The following PAN2 variants were observed in gnomAD, a reference collection of about 807,000 sequenced individuals.
The protein encoded by PAN2 is PAN2-PAN3 deadenylation complex catalytic subunit PAN2.
In PAN2, 68 loss-of-function variants were observed where a neutral mutation model predicts 133.3. The ratio of observed to expected loss-of-function variants is 0.51; its 90% CI spans 0.42 to 0.62. The LOEUF is 0.62. Among genes scored for constraint, PAN2 ranks in the 20% least tolerant of loss-of-function variants. The pLI is 0.00. For synonymous variants in PAN2, 462 were observed against 544.6 expected (o/e 0.85, Z 2.11); for missense variants, 1,042 against 1,500.5 (o/e 0.69, Z 5.05).
Position 56,319,199 on chromosome 12 carries a change from G to A in PAN2, c.3271-18C>T, listed in dbSNP as rs149050168. 44 of 1,614,040 alleles carry A rather than the reference G, an allele frequency of 2.7e-5. No individual in the cohort carries two copies. In the African/African-American group the frequency reaches 2.8e-4, roughly 10 times the overall value. The stretch of plus-strand genomic sequence containing the variant: ...TTGGGCACCTGGCAAGGATAAAAGA[G>A]GGGGAGACTTAAGGTAGGGGACCTA... On this transcript the variant is annotated intron_variant, in intron 23 of 25. Transcript: ENST00000440411. This position sits in a 1 kb window ranked among gnomAD's most constrained non-coding sequence, Gnocchi z 5.4.
chr12:56,330,809 T>A lies in PAN2; in HGVS notation c.282+2004A>T, dbSNP rs184885209. 4.0e-4 allele frequency among the ~76,000 whole-genome samples: 61 copies of A among 151,428 alleles called. No individual in the cohort carries two copies. The East Asian group carries it at 0.011, about 27-fold the overall frequency. On this transcript the variant is annotated intron_variant, in intron 2 of 25. Transcript: ENST00000440411. ...TGGCCTCATTGTATTTTTCTTTTTC[T>A]TTTTTTTGAGACGGAGTCTTGCCCT... is the stretch of plus-strand genomic sequence containing the variant.
chr12:56,324,901 T>C (rs531634873), intron 10 of PAN2, 108 bp downstream of exon 10: 9 of 1,421,678 alleles, frequency 6.3e-6, no homozygotes, highest in Non-Finnish European at 8.6e-6. Flanking sequence ...GAGGAGACCA[T>C]GGTAAAGAGA....
At chr12:56,325,536 GCCA>G in intron 8 of PAN2, 82 bp from the exon 9 acceptor site, 4 of 1,489,386 alleles carry the variant, frequency 2.7e-6, no homozygotes, top group Non-Finnish European at 3.7e-6. Context: ...CATTGAAACA[GCCA>G]CCAAGTCCTG....
chr12:56,326,668 G>C lies in PAN2; in HGVS notation c.1211C>G (p.Thr404Ser). 2 of 1,614,116 alleles carry C rather than the reference G, an allele frequency of 1.2e-6. No homozygotes were observed. Among genetic ancestry groups the C allele is most frequent in the Non-Finnish European group, 1.7e-6 (2 of 1,179,982 alleles). The change falls in exon 7 of 26, where the codon ACT becomes AGT. Residue 404 changes from threonine to serine, a missense_variant. Physicochemically the swap from Thr to Ser is moderately conservative, Grantham distance 58 (BLOSUM62 1). Transcript: ENST00000440411. ...PLSLIPVPLT[T>S]DTLLSDWPAA... is the part of the protein sequence containing the mutation. ...AGGCCAATCAGAGAGAAGTGTGTCA[G>C]TGGTGAGTGGGACAGGGATGAGGGA...
chr12:56,318,612 G>T (rs1874163552), intron 24 of PAN2, 178 bp from the exon 25 acceptor site: 2 of 589,430 alleles, frequency 3.4e-6, no homozygotes, highest in South Asian at 4.3e-5. Context: ...ATTAGTAACT[G>T]TCACCACTAA....
At position 56,325,141 on chromosome 12, in the gene PAN2, T is replaced by C; in HGVS notation, c.1480-13A>G. 6.2e-7 allele frequency: 1 copy of C among 1,613,134 alleles called. No individual in the cohort carries two copies. Among genetic ancestry groups the C allele is most frequent in the South Asian group, 1.1e-5 (1 of 91,002 alleles). On this transcript the variant is annotated splice_polypyrimidine_tract_variant and intron_variant, in intron 9 of 25. Coordinates refer to ENST00000440411, the MANE Select transcript of PAN2 (RefSeq NM_014871.6). ...ATTTGATGGTCACCTAAGGTAGAAA[T>C]TGTCTGAGCAAGACAAGGATATTCT...
rs765497511 is a variant in PAN2 at position 56,326,651 on chromosome 12, C to T, written c.1228G>A (p.Asp410Asn). 4 of 1,613,652 alleles carry T rather than the reference C, an allele frequency of 2.5e-6. No homozygotes were observed. The African/African-American group carries it at 5.3e-5, about 22-fold the overall frequency. ...VPLTTDTLLS[D>N]WPAANSAPAP... ...GGAGCAGAGTTGGCAGCAGGCCAATCAGAGAGAAGTGTGTCAGTGGTGAGT... is the reference window on the plus strand; with the variant it reads ...GGAGCAGAGTTGGCAGCAGGCCAATTAGAGAGAAGTGTGTCAGTGGTGAGT... The change falls in exon 7 of 26, where the codon GAT becomes AAT. Residue 410 changes from aspartate to asparagine, a missense_variant. Coordinates refer to ENST00000440411, the MANE Select transcript of PAN2 (RefSeq NM_014871.6).
chr12:56,328,587 C>T lies in PAN2; in HGVS notation c.337G>A (p.Val113Ile), dbSNP rs1189341640. 6.2e-7 allele frequency: 1 copy of T among 1,614,176 alleles called. No homozygotes were observed. The highest frequency in any genetic ancestry group is 1.7e-5 in the Admixed American group (1 of 60,034). Residue 113 changes from valine (V) to isoleucine (I), a missense_variant, in exon 3 of 26, where the codon GTC becomes ATC. By Grantham distance (29) the Val-to-Ile change is conservative (BLOSUM62 3). Transcript: ENST00000440411. The stretch of plus-strand genomic sequence containing the variant: ...TGCCGAATATCATCACTGCCATTGA[C>T]TTGAAAGGATGAGTAGCGCTCCAAG... ...PALERYSSFQ[V>I]NGSDDIRQIQ...
In PAN2 at chr12:56,328,476, A is replaced by T. The variant is rs1296816870; in HGVS notation, c.448T>A (p.Tyr150Asn). ...MARGGLIIFD[Y>N]LLDENEDMHS... The stretch of plus-strand genomic sequence containing the variant: ...CAGAGCTGAGAAGCCACTTACAGGT[A>T]ATCAAATATAATGAGGCCCCCACGG... Residue 150 changes from tyrosine (Y) to asparagine (N), a missense_variant, in exon 3 of 26, where the codon TAC becomes AAC. Tyr to Asn is a moderately radical substitution (Grantham distance 143). This residue lies in a region of PAN2 where 908 missense variants were observed against 1,223.5 expected (regional missense o/e 0.74). Transcript: ENST00000440411. The T allele has an allele frequency of 2.0e-5, 32 of 1,613,970 alleles. No homozygotes were observed. The highest frequency in any genetic ancestry group is 2.5e-5 in the Non-Finnish European group (30 of 1,179,966).
intron 14 of PAN2, 92 bp downstream of exon 14, chr12:56,323,715 T>C: frequency 7.1e-7 from 1 of 1,400,910 alleles, no homozygotes. Flanking sequence ...GATCCCTGGA[T>C]GGCAGTGCTG....
chr12:56,327,106 A>G (rs1875206509), intron 6 of PAN2, 147 bp from the exon 7 acceptor site: 1 of 764,710 alleles, frequency 1.3e-6, no homozygotes, highest in East Asian at 2.7e-5. Flanking sequence ...TGCCTTCCAT[A>G]AACCACAGAT....
chr12:56,317,386 C>T lies in PAN2; in HGVS notation c.*223G>A, dbSNP rs1874035297. The T allele has an allele frequency of 6.8e-6, 4 of 584,916 alleles. No homozygotes were observed. Among genetic ancestry groups the T allele is most frequent in the Admixed American group, 6.1e-5 (2 of 32,784 alleles). The allele number at this position is 584,916 out of a possible 1,614,324, so 36.2% of individuals were successfully genotyped here. On this transcript the variant is annotated 3_prime_UTR_variant, in exon 26 of 26. Transcript: ENST00000440411. ...TCAATTCTAGACTCCATGTCTGTAC[C>T]ACTGTTTTGCAAAGAATGAAGAAGG...
At chr12:56,332,453 G>C (rs1468614267) in intron 2 of PAN2, among the ~76,000 whole-genome samples, 1 of 152,034 alleles carries the variant, frequency 6.6e-6, no homozygotes, top group Non-Finnish European at 1.5e-5. Context: ...AAATTAGCTG[G>C]TCTTGGTTGC....
In PAN2 at chr12:56,323,785, T is replaced by G. The variant is rs768900002; in HGVS notation, c.2172+22A>C. The G allele has an allele frequency of 5.2e-6, 8 of 1,550,282 alleles. No individual in the cohort carries two copies. The South Asian group carries it at 8.9e-5, about 17-fold the overall frequency. On this transcript the variant is annotated intron_variant, in intron 14 of 25. Transcript: ENST00000440411. ...CTCCATGGCAGGACCAGGACTCTAGTCCAGTCCAACAGTCCACTCACCGTG... is the reference window on the plus strand; with the variant it reads ...CTCCATGGCAGGACCAGGACTCTAGGCCAGTCCAACAGTCCACTCACCGTG...
Position 56,323,535 on chromosome 12 carries a change from A to G in PAN2, c.2236T>C (p.Ser746Pro). 6.2e-7 allele frequency: 1 copy of G among 1,614,154 alleles called. No individual in the cohort carries two copies. Among genetic ancestry groups the G allele is most frequent in the Non-Finnish European group, 8.5e-7 (1 of 1,180,016 alleles). Reference sequence around the variant, plus strand: ...ATTCTCCAGAAATCAGCCTCTTTTGAGCTGTTCACCTCACAATTGATGACA... The same window carrying G: ...ATTCTCCAGAAATCAGCCTCTTTTGGGCTGTTCACCTCACAATTGATGACA... The part of the protein sequence containing the change: ...ILVINCEVNS[S>P]KEADFWRMQA... The change falls in exon 15 of 26, where the codon TCA becomes CCA. Residue 746 changes from serine (S) to proline (P), a missense_variant. Coordinates refer to ENST00000440411, the MANE Select transcript of PAN2 (RefSeq NM_014871.6).
At chr12:56,318,507 T>C (rs1271244925) in intron 24 of PAN2, 73 bp from the exon 25 acceptor site, 4 of 1,204,290 alleles carry the variant, frequency 3.3e-6, no homozygotes, top group Non-Finnish European at 4.8e-6. Flanking sequence ...CACTCCTACC[T>C]GACTCCAGAA....
In PAN2 at chr12:56,326,794, T is replaced by C; in HGVS notation, c.1085A>G (p.Glu362Gly). ...ACGGGAGTAGGGGTTGAAGGAAGGC[T>C]CCGGGGAATCAGTCCAGAGGTGCAC... ...GCVHLWTDSP[E>G]PSFNPYSRET... Residue 362 changes from glutamate to glycine, a missense_variant, in exon 7 of 26, where the codon GAG becomes GGG. Glu to Gly is a moderately conservative substitution (Grantham distance 98). This residue lies in a region of PAN2 where 908 missense variants were observed against 1,223.5 expected (regional missense o/e 0.74). Coordinates refer to ENST00000440411, the MANE Select transcript of PAN2 (RefSeq NM_014871.6). The C allele has an allele frequency of 1.2e-6, 2 of 1,614,080 alleles. No individual in the cohort carries two copies. The highest frequency in any genetic ancestry group is 1.7e-6 in the Non-Finnish European group (2 of 1,180,014).
rs1874681948 is a variant in PAN2 at position 56,322,589 on chromosome 12, T to C, written c.2637+26A>G. On this transcript the variant is annotated intron_variant, in intron 18 of 25. Transcript: ENST00000440411. ...ACTCACTGTGGCCATCCCAGGAGTG[T>C]TCCTGCCCTCTACAACCTCACTCAC... The C allele has an allele frequency of 1.9e-6, 3 of 1,613,916 alleles. No individual in the cohort carries two copies. In the East Asian group the frequency reaches 6.7e-5, roughly 36 times the overall value.
chr12:56,322,507 T>C (rs1397709369), intron 18 of PAN2, 25 bp from the exon 19 acceptor site: 23 of 1,612,908 alleles, frequency 1.4e-5, no homozygotes, highest in Non-Finnish European at 2.0e-5. Context: ...AGAAAGCCTG[T>C]GGCGATACAA....
Sources: allele counts gnomAD v4.1 joint callset (sites outside exome capture counted in the v4.1 genomes callset), GRCh38; gene constraint gnomAD v4.1.1; regional missense constraint gnomAD v4.1.1; non-coding constraint Gnocchi (gnomAD v3.1); transcripts MANE v1.5; gene names NCBI Gene and HGNC (gene_info 2026-07-23, HGNC 2026-07-21).